DPYSL5: variants seen among roughly 807,000 people sequenced by gnomAD.
DPYSL5 encodes the protein dihydropyrimidinase-related protein 5.
Under a neutral mutation model 58.4 loss-of-function variants are expected in DPYSL5, and 9 were observed. That is an observed-to-expected ratio of 0.15 (90% CI 0.09 to 0.27). DPYSL5 has a LOEUF of 0.27. Among genes scored for constraint, DPYSL5 ranks in the 10% least tolerant of loss-of-function variants. DPYSL5 has a pLI of 1.00. For missense variants in DPYSL5, 499 were observed against 770.6 expected (o/e 0.65, Z 4.17); for synonymous variants, 293 against 301.9 (o/e 0.97, Z 0.31).
At chr2:26,884,581 C>G (rs1211967739) in intron 1 of DPYSL5, among the ~76,000 whole-genome samples, 1 of 151,836 alleles carries the variant, frequency 6.6e-6, no homozygotes, top group Non-Finnish European at 1.5e-5. Context: ...GACAACTGCC[C>G]CTTAGCTCTT....
chr2:26,872,699 T>A (rs1663296914), intron 1 of DPYSL5, among the ~76,000 whole-genome samples: 2 of 150,762 alleles, frequency 1.3e-5, no homozygotes, highest in African/African-American at 2.4e-5. Context: ...AAAAAAAAAA[T>A]TAATAATATT....
chr2:26,856,515 G>A (rs774223498), intron 1 of DPYSL5, among the ~76,000 whole-genome samples: 2 of 152,082 alleles, frequency 1.3e-5, no homozygotes, highest in Non-Finnish European at 2.9e-5. Flanking sequence ...TTGTATGTAT[G>A]TACCAAATGT....
Position 26,877,155 on chromosome 2 carries a change from C to T in DPYSL5, c.-4-21341C>T, listed in dbSNP as rs372857954. ...CTAATTTTTGTATTTTTAGTAGAAACGGGGTTTCACCATGTTGGCCAGGCT... is the reference window on the plus strand; with the variant it reads ...CTAATTTTTGTATTTTTAGTAGAAATGGGGTTTCACCATGTTGGCCAGGCT... On this transcript the variant is annotated intron_variant, in intron 1 of 12. Coordinates refer to ENST00000288699, the MANE Select transcript of DPYSL5 (RefSeq NM_020134.4). The surrounding 1 kb of genome is among the most constrained non-coding windows in gnomAD (Gnocchi z 4.1). 2.0e-5 allele frequency among the ~76,000 whole-genome samples: 3 copies of T among 151,488 alleles called. No homozygotes were observed. The highest frequency in any genetic ancestry group is 6.6e-5 in the Admixed American group (1 of 15,210).
Position 26,944,535 on chromosome 2 carries a change from T to C in DPYSL5, c.1441-121T>C. 2 of 1,121,216 alleles carry C rather than the reference T, an allele frequency of 1.8e-6. No homozygotes were observed. Among genetic ancestry groups the C allele is most frequent in the Non-Finnish European group, 2.6e-6 (2 of 783,284 alleles). The allele number at this position is 1,121,216 out of a possible 1,614,324, so 69.5% of individuals were successfully genotyped here. ...AGAAGCCTTGGTCACTTGCAGTGAT[T>C]TGGGTCTTGGGCAGAGTGGCAGTGT... On this transcript the variant is annotated intron_variant, in intron 11 of 12. Transcript: ENST00000288699. This position sits in a 1 kb window ranked among gnomAD's most constrained non-coding sequence, Gnocchi z 4.4.
chr2:26,875,346 G>A (rs925087333), intron 1 of DPYSL5, among the ~76,000 whole-genome samples: 4 of 152,248 alleles, frequency 2.6e-5, no homozygotes, highest in African/African-American at 9.6e-5. Flanking sequence ...GGAGAGCACA[G>A]TGGTGGGAGT....
At chr2:26,928,067 G>C (rs1405641671) in intron 4 of DPYSL5, among the ~76,000 whole-genome samples, 188 bp from the exon 5 acceptor site, 1 of 152,192 alleles carries the variant, frequency 6.6e-6, no homozygotes, top group African/African-American at 2.4e-5. Flanking sequence ...AATCAGGAGA[G>C]CCCCACTGCA....
chr2:26,906,691 G>T (rs1021621885), intron 2 of DPYSL5, among the ~76,000 whole-genome samples: 1 of 152,128 alleles, frequency 6.6e-6, no homozygotes, highest in Non-Finnish European at 1.5e-5. Flanking sequence ...CAAAAACATG[G>T]CTATCCTATA....
intron 1 of DPYSL5, among the ~76,000 whole-genome samples, chr2:26,861,413 C>T (rs1247581725): frequency 6.6e-6 from 1 of 152,192 alleles, no homozygotes; most frequent in African/African-American, 2.4e-5. Context: ...TCCCTTCATC[C>T]CTTCCTTCAG....
chr2:26,890,778 C>T (rs1022613693), intron 1 of DPYSL5, among the ~76,000 whole-genome samples: 3 of 152,170 alleles, frequency 2.0e-5, no homozygotes, highest in South Asian at 2.1e-4. Flanking sequence ...GCAGGCGGGT[C>T]GGGTTGTGGT....
Position 26,898,739 on chromosome 2 carries a change from C to T in DPYSL5, c.240C>T (p.Asp80=), listed in dbSNP as rs754660700. 42 of 1,611,146 alleles carry T rather than the reference C, an allele frequency of 2.6e-5. No individual in the cohort carries two copies. The Admixed American group carries it at 5.0e-4, about 19-fold the overall frequency. The change falls in exon 2 of 13, where the codon GAC becomes GAT. Residue 80 remains aspartate, a synonymous_variant. Coordinates refer to ENST00000288699, the MANE Select transcript of DPYSL5 (RefSeq NM_020134.4). The surrounding 1 kb of genome is among the most constrained non-coding windows in gnomAD (Gnocchi z 6.1). ...HQTFMNATCV[D]DFYHGTKAAL... ...CCTTCATGAATGCCACGTGCGTGGA[C>T]GACTTCTACCATGGGACCAAGGTAA... is the stretch of plus-strand genomic sequence containing the variant.
At chr2:26,869,216 T>G (rs1168862628) in intron 1 of DPYSL5, among the ~76,000 whole-genome samples, 1 of 152,190 alleles carries the variant, frequency 6.6e-6, no homozygotes, top group Non-Finnish European at 1.5e-5. Context: ...CCACCCACCT[T>G]GGCCTCCCAA....
rs1305936483 is a variant in DPYSL5, at chr2:26,950,162, G to A, written c.*3167G>A. The A allele has an allele frequency of 3.3e-5, 5 of 152,220 alleles. No homozygotes were observed. The highest frequency in any genetic ancestry group is 1.3e-4 in the Admixed American group (2 of 15,268). 9.4% of individuals were successfully genotyped at this position (152,220 alleles called of 1,614,324 possible). On this transcript the variant is annotated 3_prime_UTR_variant, in exon 13 of 13. Coordinates refer to ENST00000288699, the MANE Select transcript of DPYSL5 (RefSeq NM_020134.4). This position sits in a 1 kb window ranked among gnomAD's most constrained non-coding sequence, Gnocchi z 5.3. ...TGAGGCGCAGGCACAGCCTGGGGTC[G>A]GATGGAGCCTCCAGCACCCCAGCAC...
intron 12 of DPYSL5, 134 bp from the exon 13 acceptor site, chr2:26,946,776 A>C: frequency 1.6e-6 from 1 of 636,454 alleles, no homozygotes; most frequent in South Asian, 2.0e-5. Context: ...CTGTCTCCTC[A>C]TCTATAAGAT....
Position 26,934,863 on chromosome 2 carries a change from C to G in DPYSL5, c.947+129C>G. The G allele has an allele frequency of 8.0e-7, 1 of 1,245,948 alleles. No homozygotes were observed. Among genetic ancestry groups the G allele is most frequent in the Non-Finnish European group, 1.1e-6 (1 of 893,212 alleles). 77.2% of individuals were successfully genotyped at this position (1,245,948 alleles called of 1,614,324 possible). On this transcript the variant is annotated intron_variant, in intron 8 of 12. Coordinates refer to ENST00000288699, the MANE Select transcript of DPYSL5 (RefSeq NM_020134.4). The surrounding 1 kb of genome is among the most constrained non-coding windows in gnomAD (Gnocchi z 4.3). ...CATAGGATCATTGTGCTTTTCTTAC[C>G]TTCTCTGAGCCCATCAGATAATTGC...
intron 2 of DPYSL5, among the ~76,000 whole-genome samples, chr2:26,919,781 G>A (rs1664659159): frequency 6.6e-6 from 1 of 152,132 alleles, no homozygotes; most frequent in African/African-American, 2.4e-5. Flanking sequence ...TCTGCTTCCT[G>A]GCAGTGTCCA....
intron 1 of DPYSL5, among the ~76,000 whole-genome samples, chr2:26,851,805 C>T (rs1016117778): frequency 2.2e-4 from 34 of 152,178 alleles, no homozygotes; most frequent in African/African-American, 7.7e-4. Flanking sequence ...ATTAGCCTGA[C>T]GTGGTGGCGC....
At chr2:26,903,959 C>T (rs972110535) in intron 2 of DPYSL5, among the ~76,000 whole-genome samples, 1 of 152,234 alleles carries the variant, frequency 6.6e-6, no homozygotes, top group African/African-American at 2.4e-5. Context: ...CCAGAGACTC[C>T]CTCTTGTCTG....
At chr2:26,920,162 T>A (rs1664668429) in intron 2 of DPYSL5, among the ~76,000 whole-genome samples, 1 of 119,336 alleles carries the variant, frequency 8.4e-6, no homozygotes, top group South Asian at 3.2e-4. Flanking sequence ...TTTAGTTGTA[T>A]CAGAAATATT....
intron 2 of DPYSL5, among the ~76,000 whole-genome samples, chr2:26,917,650 C>T (rs1385409563): frequency 1.3e-5 from 2 of 152,082 alleles, no homozygotes; most frequent in Non-Finnish European, 2.9e-5. Context: ...AACCCCCCAC[C>T]CATGTGAATT....
Sources: gnomAD v4.1 joint callset for allele counts (sites outside exome capture counted in the v4.1 genomes callset) on GRCh38, gnomAD v4.1.1 for gene constraint, Gnocchi (gnomAD v3.1) non-coding constraint, MANE v1.5 for transcripts, NCBI Gene and HGNC (gene_info 2026-07-23, HGNC 2026-07-21) for gene names.